Variants in SCAPER observed in about 807,000 individuals in gnomAD.
SCAPER encodes S phase cyclin A-associated protein in the endoplasmic reticulum.
In SCAPER, 98 loss-of-function variants were observed where a neutral mutation model predicts 182.2. The ratio of observed to expected loss-of-function variants is 0.54; its 90% CI spans 0.46 to 0.64. The LOEUF is 0.64. Ranked by LOEUF, SCAPER falls within the 30% of genes least tolerant of loss-of-function variation. The probability of loss-of-function intolerance (pLI) is 0.00; values close to 1 mark genes in which losing one functional copy is unlikely to be tolerated. For synonymous variants in SCAPER, 605 were observed against 564.6 expected (o/e 1.07, Z -1.01); for missense variants, 1,432 against 1,690.0 (o/e 0.85, Z 2.68).
At chr15:76,780,325 A>G (rs1598687336) in intron 8 of SCAPER, among the ~76,000 whole-genome samples, 1 of 152,128 alleles carries the variant, frequency 6.6e-6, no homozygotes, top group Admixed American at 6.5e-5. Context: ...GGGCAGGGGG[A>G]GGGGCATCCG....
At chr15:76,497,864 A>C (rs1364599989) in intron 24 of SCAPER, among the ~76,000 whole-genome samples, 3 of 151,610 alleles carry the variant, frequency 2.0e-5, no homozygotes, top group African/African-American at 7.3e-5. Flanking sequence ...GGTGGCACAC[A>C]CCTGTAATCC....
intron 1 of SCAPER, among the ~76,000 whole-genome samples, chr15:76,901,996 G>A (rs1361898001): frequency 6.6e-6 from 1 of 152,170 alleles, no homozygotes; most frequent in African/African-American, 2.4e-5. Context: ...TAGGATTACA[G>A]GCATGAGCCA....
rs141565641 is a variant in SCAPER at position 76,783,820 on chromosome 15, G to C, written c.773-8703C>G. Among the ~76,000 whole-genome samples, 78 of 152,292 alleles carry C rather than the reference G, an allele frequency of 5.1e-4. 1 individual carries two copies. Among genetic ancestry groups the C allele is most frequent in the African/African-American group, 1.8e-3 (73 of 41,554 alleles). ...CTCAATAGATACAGAAAAGGCCTTT[G>C]ACAAAATTCAACAGCACTTCATGCT... On this transcript the variant is annotated intron_variant, in intron 8 of 31. Transcript: ENST00000563290.
chr15:76,700,413 T>G (rs1287006796), intron 20 of SCAPER, among the ~76,000 whole-genome samples: 1 of 152,164 alleles, frequency 6.6e-6, no homozygotes, highest in Non-Finnish European at 1.5e-5. Context: ...CAGCTAGGAT[T>G]CCAGAGGTCC....
intron 17 of SCAPER, 32 bp downstream of exon 17, chr15:76,728,563 C>T: frequency 6.2e-7 from 1 of 1,612,176 alleles, no homozygotes; most frequent in Non-Finnish European, 8.5e-7. Context: ...TCACTCAGTG[C>T]AAAATGTTCA....
chr15:76,349,506 T>A (rs574578625), intron 31 of SCAPER: 3 of 152,158 alleles, frequency 2.0e-5, no homozygotes, highest in African/African-American at 7.2e-5. Context: ...TCCTGGGCAA[T>A]AGGAATGTGG....
intron 26 of SCAPER, among the ~76,000 whole-genome samples, chr15:76,428,889 T>TATATATATATATATATATATATATATAC (rs1287094080): frequency 1.4e-5 from 2 of 138,982 alleles, no homozygotes; most frequent in Non-Finnish European, 3.1e-5. Context: ...TATATATATA[T>TATATATATATATATATATATATATATAC]ATATAAACAT....
chr15:76,620,641 AC>A (rs796070557), intron 22 of SCAPER, among the ~76,000 whole-genome samples: 3 of 152,354 alleles, frequency 2.0e-5, no homozygotes, highest in African/African-American at 7.2e-5. Context: ...GCATATGTAC[AC>A]CAACAAGTGG....
intron 2 of SCAPER, among the ~76,000 whole-genome samples, chr15:76,871,234 C>G (rs1356715987): frequency 2.6e-5 from 4 of 151,624 alleles, no homozygotes; most frequent in Middle Eastern, 6.8e-3. Context: ...ATGGTGAAAC[C>G]CTGCCTCTAC....
intron 23 of SCAPER, among the ~76,000 whole-genome samples, chr15:76,508,382 T>A (rs908027368): frequency 6.6e-6 from 1 of 152,184 alleles, no homozygotes; most frequent in Admixed American, 6.5e-5. Flanking sequence ...TTTGTGCACA[T>A]GTATTTGGCA....
At position 76,371,240 on chromosome 15, in the gene SCAPER, GA is replaced by G. The variant is rs1461136492; in HGVS notation, c.3855+4921del. On this transcript the variant is annotated intron_variant, in intron 29 of 31. Transcript: ENST00000563290. ...TCACTAAAGTGCTACTGAGGTTCAA[GA>G]GACAAGAGATGGCAAGAATAGTATA... Among the ~76,000 whole-genome samples, 4 of 152,026 alleles carry G rather than the reference GA, an allele frequency of 2.6e-5. No individual in the cohort carries two copies. In the East Asian group the frequency reaches 7.7e-4, roughly 29 times the overall value.
At chr15:76,385,003 T>C (rs1482467255) in intron 27 of SCAPER, among the ~76,000 whole-genome samples, 2 of 152,216 alleles carry the variant, frequency 1.3e-5, no homozygotes, top group South Asian at 2.1e-4. Flanking sequence ...GTATAGTACA[T>C]TCTGAGATAT....
At chr15:76,591,100 T>C (rs899396022) in intron 22 of SCAPER, among the ~76,000 whole-genome samples, 14 of 152,062 alleles carry the variant, frequency 9.2e-5, no homozygotes, top group Non-Finnish European at 1.0e-4. Context: ...CAGTGATGGA[T>C]ACACTAAAAG....
chr15:76,529,408 T>G (rs1472434686), intron 23 of SCAPER, among the ~76,000 whole-genome samples: 2 of 152,230 alleles, frequency 1.3e-5, no homozygotes, highest in African/African-American at 4.8e-5. Context: ...GACAAAAATC[T>G]CTACTTCTAC....
intron 20 of SCAPER, among the ~76,000 whole-genome samples, chr15:76,686,116 T>A (rs1206796469): frequency 1.3e-5 from 2 of 151,998 alleles, no homozygotes; most frequent in East Asian, 3.8e-4. Context: ...GATATAAGAA[T>A]ATGAAAATCT....
At chr15:76,765,228 G>T in intron 13 of SCAPER, 109 bp downstream of exon 13, 2 of 1,039,110 alleles carry the variant, frequency 1.9e-6, no homozygotes, top group Non-Finnish European at 2.8e-6. Context: ...ATCTGAAACT[G>T]TCCTGAAGTA....
intron 21 of SCAPER, among the ~76,000 whole-genome samples, chr15:76,648,288 C>A (rs1452486588): frequency 6.6e-6 from 1 of 151,024 alleles, no homozygotes; most frequent in African/African-American, 2.4e-5. Flanking sequence ...AAAAACGTCA[C>A]TGGATGATTT....
chr15:76,629,293 A>G (rs1257245238), intron 21 of SCAPER, among the ~76,000 whole-genome samples: 1 of 152,212 alleles, frequency 6.6e-6, no homozygotes, highest in African/African-American at 2.4e-5. Context: ...TTCTAAAACT[A>G]TGTTGAATAG....
chr15:76,370,802 T>A (rs1368961747), intron 29 of SCAPER, among the ~76,000 whole-genome samples: 1 of 152,196 alleles, frequency 6.6e-6, no homozygotes, highest in Non-Finnish European at 1.5e-5. Flanking sequence ...TTGTGGACCA[T>A]TTCTACTCAT....
Sources: allele counts gnomAD v4.1 joint callset (sites outside exome capture counted in the v4.1 genomes callset), GRCh38; gene constraint gnomAD v4.1.1; transcripts MANE v1.5; gene names NCBI Gene and HGNC (gene_info 2026-07-23, HGNC 2026-07-21).